Variants in TRAIP observed in about 807,000 individuals in gnomAD.
The protein encoded by TRAIP is TRAF interacting protein.
A neutral mutation model predicts 65.0 loss-of-function variants in TRAIP; 37 were observed. That is an observed-to-expected ratio of 0.57 (90% CI 0.44 to 0.75). The LOEUF (loss-of-function observed/expected upper bound fraction) is 0.75. Ranked by LOEUF, TRAIP falls within the 30% of genes least tolerant of loss-of-function variation. The pLI is 0.00. For missense variants in TRAIP, 481 were observed against 579.4 expected (o/e 0.83, Z 1.74); for synonymous variants, 187 against 219.1 (o/e 0.85, Z 1.29).
chr3:49,856,510 G>C lies in TRAIP; in HGVS notation c.-57C>G. 6.6e-7 allele frequency: 1 copy of C among 1,507,502 alleles called. No individual in the cohort carries two copies. The allele number at this position is 1,507,502 out of a possible 1,614,324, so 93.4% of individuals were successfully genotyped here. A position where few individuals can be genotyped will look rare whatever the true frequency, so the allele number is the denominator to read the frequency against. ...AAGAAACTGCTACAGGTCCGGCTTC[G>C]TAGACGCGCCCCCGCGCCTCCGCTT... On this transcript the variant is annotated 5_prime_UTR_variant, in exon 1 of 15. Transcript: ENST00000331456.
At chr3:49,852,496 C>T (rs2081941533) in intron 1 of TRAIP, among the ~76,000 whole-genome samples, 1 of 152,074 alleles carries the variant, frequency 6.6e-6, no homozygotes, top group Non-Finnish European at 1.5e-5. Context: ...TGGCTCACGC[C>T]TGTAATCCCA....
At chr3:49,844,981 G>A (rs1575396607) in intron 3 of TRAIP, among the ~76,000 whole-genome samples, 1 of 152,282 alleles carries the variant, frequency 6.6e-6, no homozygotes, top group Non-Finnish European at 1.5e-5. Context: ...AATAGGAATG[G>A]CCAAGGACCT....
intron 10 of TRAIP, among the ~76,000 whole-genome samples, chr3:49,833,195 T>A (rs2081751071): frequency 6.6e-6 from 1 of 152,140 alleles, no homozygotes; most frequent in Non-Finnish European, 1.5e-5. Context: ...CCCCAGCAAG[T>A]TGAGGCTCAG....
chr3:49,835,070 T>C (rs900086125), intron 10 of TRAIP, among the ~76,000 whole-genome samples: 3 of 151,984 alleles, frequency 2.0e-5, no homozygotes, highest in Admixed American at 6.6e-5. Context: ...TAACTGGGCA[T>C]TGTGGCACAT....
chr3:49,846,808 G>T (rs2081886709), intron 3 of TRAIP, among the ~76,000 whole-genome samples: 1 of 152,216 alleles, frequency 6.6e-6, no homozygotes. Context: ...GGAGGCCAAG[G>T]TGGGAGGATT....
intron 1 of TRAIP, 73 bp from the exon 2 acceptor site, chr3:49,848,273 G>C: frequency 6.6e-7 from 1 of 1,520,470 alleles, no homozygotes; most frequent in Non-Finnish European, 9.1e-7. Context: ...CAAACATTCT[G>C]ACCACGAAAG....
chr3:49,847,975 T>TA, intron 2 of TRAIP, among the ~76,000 whole-genome samples, 168 bp downstream of exon 2: 1 of 152,322 alleles, frequency 6.6e-6, no homozygotes, highest in Admixed American at 6.5e-5. Flanking sequence ...CCTGTGGGTG[T>TA]AAGCAGACCT....
chr3:49,855,639 C>T (rs2081963900), intron 1 of TRAIP, among the ~76,000 whole-genome samples: 1 of 152,212 alleles, frequency 6.6e-6, no homozygotes, highest in Admixed American at 6.5e-5. Flanking sequence ...AGTAAGCCAG[C>T]AGCCATCAGT....
chr3:49,840,779 C>T (rs1354145680), intron 8 of TRAIP, among the ~76,000 whole-genome samples: 3 of 152,198 alleles, frequency 2.0e-5, no homozygotes, highest in South Asian at 4.1e-4. Context: ...TTGGGGGATA[C>T]CTCTGTGATC....
intron 10 of TRAIP, among the ~76,000 whole-genome samples, chr3:49,837,427 C>T (rs551831389): frequency 9.2e-5 from 14 of 152,132 alleles, no homozygotes; most frequent in African/African-American, 3.1e-4. Context: ...CACACCACTG[C>T]ACTCCAGCCT....
chr3:49,847,649 G>A, intron 2 of TRAIP, 41 bp from the exon 3 acceptor site: 1 of 1,448,838 alleles, frequency 6.9e-7, no homozygotes. Context: ...TGTGTAGCTG[G>A]GTCATGCGCA....
intron 8 of TRAIP, among the ~76,000 whole-genome samples, chr3:49,840,748 G>A (rs2081832163): frequency 6.6e-6 from 1 of 152,184 alleles, no homozygotes; most frequent in African/African-American, 2.4e-5. Flanking sequence ...AAGAGCAGAG[G>A]GGAGCATCAG....
At chr3:49,835,207 C>CA (rs35776619) in intron 10 of TRAIP, among the ~76,000 whole-genome samples, 29 of 150,678 alleles carry the variant, frequency 1.9e-4, no homozygotes, top group Non-Finnish European at 3.2e-4. Context: ...GACCCTGTCT[C>CA]AAAAAAAAAT....
In TRAIP at chr3:49,831,996, G is replaced by A; in HGVS notation, c.957C>T (p.Thr319=). The part of the protein sequence containing the change: ...SFRDDIDLNA[T]FDVDTPPARP... The stretch of plus-strand genomic sequence containing the variant: ...GGGCTGGGGGAGTATCCACATCAAA[G>A]GTAGCATTGAGATCAATATCATCAC... Residue 319 remains threonine, a synonymous_variant, in exon 11 of 15, where the codon ACC becomes ACT. Transcript: ENST00000331456. 6.2e-7 allele frequency: 1 copy of A among 1,608,364 alleles called. No homozygotes were observed. The highest frequency in any genetic ancestry group is 1.1e-5 in the South Asian group (1 of 90,070).
At chr3:49,840,199 G>T in intron 9 of TRAIP, 85 bp downstream of exon 9, 1 of 1,246,624 alleles carries the variant, frequency 8.0e-7, no homozygotes, top group South Asian at 1.2e-5. Flanking sequence ...CTGGTGCAAG[G>T]GTCCTGGGCA....
intron 14 of TRAIP, 28 bp from the exon 15 acceptor site, chr3:49,829,253 G>T: frequency 6.2e-7 from 1 of 1,614,194 alleles, no homozygotes; most frequent in Non-Finnish European, 8.5e-7. Flanking sequence ...GAAGAGGCAT[G>T]GAGAAAGGAC....
chr3:49,841,091 A>G lies in TRAIP; in HGVS notation c.618-19T>C. On this transcript the variant is annotated intron_variant, in intron 7 of 14. Transcript: ENST00000331456. ...GTACTCTCTGCAATGTGGCCATGGA[A>G]AGAGATGCCAGAAAAGAACACCTGC... The G allele has an allele frequency of 6.2e-7, 1 of 1,610,874 alleles. No individual in the cohort carries two copies. Among genetic ancestry groups the G allele is most frequent in the Non-Finnish European group, 8.5e-7 (1 of 1,177,038 alleles).
chr3:49,838,892 A>G (rs943660540), intron 10 of TRAIP, among the ~76,000 whole-genome samples: 2 of 151,134 alleles, frequency 1.3e-5, no homozygotes, highest in African/African-American at 4.9e-5. Flanking sequence ...TCTAAAAAAA[A>G]AAAAGATTAA....
At chr3:49,843,735 T>C (rs1213428509) in intron 5 of TRAIP, 66 bp downstream of exon 5, 2 of 1,571,424 alleles carry the variant, frequency 1.3e-6, no homozygotes, top group Admixed American at 1.7e-5. Flanking sequence ...AAGCCCAGAA[T>C]GGGGAGTCCA....
Sources: allele counts gnomAD v4.1 joint callset (sites outside exome capture counted in the v4.1 genomes callset), GRCh38; gene constraint gnomAD v4.1.1; transcripts MANE v1.5; gene names NCBI Gene and HGNC (gene_info 2026-07-23, HGNC 2026-07-21).